CSMD1: variants seen among roughly 807,000 people sequenced by gnomAD.
CSMD1 encodes CUB and sushi domain-containing protein 1.
Under a neutral mutation model 417.5 loss-of-function variants are expected in CSMD1, and 213 were observed. The ratio of observed to expected loss-of-function variants is 0.51; its 90% CI spans 0.46 to 0.57. The LOEUF (loss-of-function observed/expected upper bound fraction) is 0.57, where lower values mean the gene tolerates loss of function less well. Among genes scored for constraint, CSMD1 ranks in the 20% least tolerant of loss-of-function variants. CSMD1 has a pLI of 0.00. For missense variants in CSMD1, 6,923 were observed against 4,529.7 expected (o/e 1.53, Z -15.17); for synonymous variants, 2,862 against 1,736.8 (o/e 1.65, Z -16.11).
intron 1 of CSMD1, among the ~76,000 whole-genome samples, chr8:4,781,719 G>A (rs1301859208): frequency 6.6e-6 from 1 of 152,066 alleles, no homozygotes; most frequent in Non-Finnish European, 1.5e-5. Flanking sequence ...CACATTTCTG[G>A]GAACACTAGA....
At chr8:3,000,916 G>C (rs563509171) in intron 52 of CSMD1, among the ~76,000 whole-genome samples, 142 of 152,184 alleles carry the variant, frequency 9.3e-4, no homozygotes, top group Non-Finnish European at 1.9e-3. Flanking sequence ...CATTGAAAGA[G>C]CTTTAGTAAC....
At chr8:3,497,771 G>A (rs1049236171) in intron 10 of CSMD1, among the ~76,000 whole-genome samples, 1 of 152,094 alleles carries the variant, frequency 6.6e-6, no homozygotes, top group Non-Finnish European at 1.5e-5. Flanking sequence ...TTCTGTTCTG[G>A]TTGTTTTGCA....
chr8:4,481,242 G>C (rs1801083194), intron 2 of CSMD1, among the ~76,000 whole-genome samples: 1 of 152,218 alleles, frequency 6.6e-6, no homozygotes, highest in Non-Finnish European at 1.5e-5. Flanking sequence ...TCCAAATTTA[G>C]ATTTGTACGT....
intron 3 of CSMD1, among the ~76,000 whole-genome samples, chr8:4,131,244 G>C (rs780487178): frequency 3.3e-5 from 5 of 152,156 alleles, no homozygotes; most frequent in Admixed American, 1.3e-4. Flanking sequence ...GTGTGGCTGA[G>C]TACAGAAAGG....
chr8:4,252,721 G>T (rs868292829), intron 3 of CSMD1, among the ~76,000 whole-genome samples: 1 of 152,212 alleles, frequency 6.6e-6, no homozygotes, highest in African/African-American at 2.4e-5. Flanking sequence ...TGTATTGGTT[G>T]TACAGGAATT....
chr8:3,063,507 A>C (rs992786947), intron 49 of CSMD1, among the ~76,000 whole-genome samples: 2 of 152,230 alleles, frequency 1.3e-5, no homozygotes, highest in Admixed American at 6.5e-5. Flanking sequence ...CTAAATACCC[A>C]AAAGGATTAA....
At chr8:3,943,919 A>C (rs1593487) in intron 5 of CSMD1, among the ~76,000 whole-genome samples, 1 of 152,004 alleles carries the variant, frequency 6.6e-6, no homozygotes. Flanking sequence ...TTAGGTTCTG[A>C]GCCAGAAAAC....
intron 7 of CSMD1, among the ~76,000 whole-genome samples, chr8:3,676,354 C>A (rs986549559): frequency 2.0e-5 from 3 of 152,142 alleles, no homozygotes; most frequent in Admixed American, 2.0e-4. Flanking sequence ...GGCCGCCCGC[C>A]AGGCAGGATT....
Position 3,949,443 on chromosome 8 carries a change from T to C in CSMD1, c.818+48460A>G, listed in dbSNP as rs114580070. ...ATGAGGTATATAGAAGCTCTAACAA[T>C]TTAAGGAAAAGGATACATTTTAAGC... On this transcript the variant is annotated intron_variant, in intron 5 of 69. Coordinates refer to ENST00000635120, the MANE Select transcript of CSMD1 (RefSeq NM_033225.6). 6.4e-3 allele frequency among the ~76,000 whole-genome samples: 977 copies of C among 152,254 alleles called. 14 individuals carry two copies. Among genetic ancestry groups the C allele is most frequent in the African/African-American group, 0.023 (948 of 41,548 alleles).
intron 3 of CSMD1, among the ~76,000 whole-genome samples, chr8:4,075,376 C>T (rs1236601290): frequency 6.6e-6 from 1 of 151,474 alleles, no homozygotes; most frequent in Non-Finnish European, 1.5e-5. Context: ...TTTTTTGATG[C>T]TAAAGAACAG....
At position 3,998,056 on chromosome 8, in the gene CSMD1, G is replaced by A; in HGVS notation, c.665C>T (p.Pro222Leu). Residue 222 changes from proline (P) to leucine (L), a missense_variant, in exon 5 of 70, where the codon CCG (proline) becomes CTG (leucine). Physicochemically the swap from Pro to Leu is moderately conservative, Grantham distance 98. Coordinates refer to ENST00000635120, the MANE Select transcript of CSMD1 (RefSeq NM_033225.6). ...GTTCTCGTACTCTGAAGGGAAGTGC[G>A]GGCTGGAGATGGAGCTGCTGGTCCC... Reference protein sequence around the residue: ...LRGTSSSISSPHFPSEYENNA... With the variant: ...LRGTSSSISSLHFPSEYENNA... 1.1e-5 allele frequency: 18 copies of A among 1,597,426 alleles called. No individual in the cohort carries two copies. The highest frequency in any genetic ancestry group is 2.3e-5 in the East Asian group (1 of 44,182).
chr8:4,746,405 G>A (rs888554475), intron 1 of CSMD1, among the ~76,000 whole-genome samples: 2 of 152,150 alleles, frequency 1.3e-5, no homozygotes, highest in Non-Finnish European at 2.9e-5. Context: ...TCATTTTAAG[G>A]CAAATGCAGC....
In CSMD1 at chr8:4,841,911, CAAAAAAAAAA is replaced by C. The variant is rs397757527; in HGVS notation, c.85+152411_85+152420del. On this transcript the variant is annotated intron_variant, in intron 1 of 69. Transcript: ENST00000635120. ...GGGCAACAAGAGCAAAACTCCGTCT[CAAAAAAAAAA>C]AAAAAAAAAAAAAAAAAGTTCAGAA... Among the ~76,000 whole-genome samples, 252 of 34,846 alleles carry C rather than the reference CAAAAAAAAAA, an allele frequency of 7.2e-3. 7 individuals are homozygous for C. Among genetic ancestry groups the C allele is most frequent in the African/African-American group, 0.04 (231 of 5,734 alleles). The allele number at this position is 34,846 out of a possible 152,430, so 22.9% of individuals were successfully genotyped here.
At chr8:3,736,107 G>A (rs1796508550) in intron 6 of CSMD1, among the ~76,000 whole-genome samples, 1 of 152,122 alleles carries the variant, frequency 6.6e-6, no homozygotes, top group South Asian at 2.1e-4. Context: ...ACTGTTGTAT[G>A]CAGTTTACAT....
chr8:4,680,076 T>C (rs1169050687), intron 1 of CSMD1, among the ~76,000 whole-genome samples: 2 of 152,196 alleles, frequency 1.3e-5, no homozygotes, highest in African/African-American at 4.8e-5. Context: ...GACATTAACA[T>C]GATTTAAATA....
chr8:4,373,159 CATG>C (rs1042793242), intron 3 of CSMD1, among the ~76,000 whole-genome samples: 1 of 152,132 alleles, frequency 6.6e-6, no homozygotes, highest in Admixed American at 6.5e-5. Context: ...AGGAGCAACC[CATG>C]ATACCCCTTG....
chr8:4,565,729 C>T (rs927555152), intron 2 of CSMD1, among the ~76,000 whole-genome samples: 3 of 138,424 alleles, frequency 2.2e-5, no homozygotes, highest in Non-Finnish European at 4.6e-5. Flanking sequence ...CGCAACACTC[C>T]ACCTTAAAAA....
chr8:3,084,587 TAAAC>T (rs1194726591), intron 49 of CSMD1, among the ~76,000 whole-genome samples: 10 of 150,550 alleles, frequency 6.6e-5, no homozygotes, highest in African/African-American at 2.4e-4. Flanking sequence ...TAATTAATAC[TAAAC>T]AAATAAAATC....
At chr8:4,787,233 G>A (rs963918383) in intron 1 of CSMD1, 19 of 499,768 alleles carry the variant, frequency 3.8e-5, no homozygotes, top group Middle Eastern at 5.7e-4. Context: ...TGGGGGCCGC[G>A]CCTCCTTCCC....
Sources: gnomAD v4.1 joint callset for allele counts (sites outside exome capture counted in the v4.1 genomes callset) on GRCh38, gnomAD v4.1.1 for gene constraint, MANE v1.5 for transcripts, NCBI Gene and HGNC (gene_info 2026-07-23, HGNC 2026-07-21) for gene names.